The following TMTC4 variants were observed in gnomAD, a reference collection of about 807,000 sequenced individuals.
The protein encoded by TMTC4 is transmembrane O-mannosyltransferase targeting cadherins 4, also known as protein O-mannosyl-transferase TMTC4.
A neutral mutation model predicts 86.0 loss-of-function variants in TMTC4; 65 were observed. That is an observed-to-expected ratio of 0.76 (90% CI 0.62 to 0.93). The LOEUF (loss-of-function observed/expected upper bound fraction) is 0.93. TMTC4 is among the 40% of genes least tolerant of loss of function. The pLI is 0.00. For synonymous variants in TMTC4, 379 were observed against 382.5 expected (o/e 0.99, Z 0.11); for missense variants, 866 against 948.1 (o/e 0.91, Z 1.14).
chr13:100,653,321 T>C (rs1884679674), intron 6 of TMTC4, among the ~76,000 whole-genome samples: 1 of 152,212 alleles, frequency 6.6e-6, no homozygotes. Context: ...CAGACTTCAC[T>C]AGCCCCGGTT....
chr13:100,617,374 C>G (rs898809167), intron 15 of TMTC4, among the ~76,000 whole-genome samples: 2 of 152,130 alleles, frequency 1.3e-5, no homozygotes, highest in African/African-American at 4.8e-5. Context: ...TGGGCTCAAG[C>G]CATTTGCCTG....
At chr13:100,663,496 G>A (rs1013826931) in intron 4 of TMTC4, among the ~76,000 whole-genome samples, 6 of 152,318 alleles carry the variant, frequency 3.9e-5, no homozygotes, top group African/African-American at 1.4e-4. Flanking sequence ...GGGCAAGGCT[G>A]CAATCCAAGA....
At chr13:100,650,071 G>C (rs2138960254) in intron 6 of TMTC4, among the ~76,000 whole-genome samples, 1 of 150,918 alleles carries the variant, frequency 6.6e-6, no homozygotes, top group South Asian at 2.1e-4. Flanking sequence ...CAATGACCCA[G>C]GAGAGGATGG....
At chr13:100,647,412 C>T (rs1206356429) in intron 6 of TMTC4, among the ~76,000 whole-genome samples, 1 of 152,136 alleles carries the variant, frequency 6.6e-6, no homozygotes, top group Non-Finnish European at 1.5e-5. Context: ...GGACACCCTC[C>T]ACCCCACCCC....
In TMTC4 at chr13:100,604,113, A is replaced by C. The variant is rs1031725364; in HGVS notation, c.*881T>G. ...CCGAATGTGGCTCCATTTGATAGAA[A>C]ATTTTGCATTTTCTGGATAATGTCT... On this transcript the variant is annotated 3_prime_UTR_variant, in exon 19 of 19. Transcript: ENST00000342624. 21 of 152,644 alleles carry C rather than the reference A, an allele frequency of 1.4e-4. No homozygotes were observed. Among genetic ancestry groups the C allele is most frequent in the African/African-American group, 4.6e-4 (19 of 41,452 alleles). 9.5% of individuals were successfully genotyped at this position (152,644 alleles called of 1,614,324 possible). A position where few individuals can be genotyped will look rare whatever the true frequency, so the allele number is the denominator to read the frequency against.
At position 100,637,968 on chromosome 13, in the gene TMTC4, T is replaced by C; in HGVS notation, c.796A>G (p.Ile266Val). 1 of 1,614,020 alleles carries C rather than the reference T, an allele frequency of 6.2e-7. No homozygotes were observed. Among genetic ancestry groups the C allele is most frequent in the South Asian group, 1.1e-5 (1 of 91,056 alleles). The part of the protein sequence containing the change: ...LVIGKFNVLE[I>V]VQKVLHKDKS... ...TCCTTATGTAGTACCTTCTGGACAA[T>C]TTCCAGAACATTGAATTTGCCTATC... Residue 266 changes from isoleucine (I) to valine (V), a missense_variant, in exon 8 of 19, where the codon ATT becomes GTT. Physicochemically the swap from Ile to Val is conservative, Grantham distance 29. Transcript: ENST00000342624.
At chr13:100,640,584 G>A (rs775109261) in intron 7 of TMTC4, among the ~76,000 whole-genome samples, 2 of 151,986 alleles carry the variant, frequency 1.3e-5, no homozygotes, top group Non-Finnish European at 2.9e-5. Flanking sequence ...CAGGCGTGAC[G>A]GCTCATGCCT....
chr13:100,642,030 C>T (rs545292663), intron 7 of TMTC4, among the ~76,000 whole-genome samples, 181 bp downstream of exon 7: 1 of 152,364 alleles, frequency 6.6e-6, no homozygotes, highest in South Asian at 2.1e-4. Context: ...GTCAATTCTC[C>T]ATCTGCAATG....
At chr13:100,638,195 A>G in intron 7 of TMTC4, 173 bp from the exon 8 acceptor site, 1 of 546,026 alleles carries the variant, frequency 1.8e-6, no homozygotes, top group South Asian at 2.9e-5. Flanking sequence ...TTTCTATGAA[A>G]TTAGCTCAAG....
chr13:100,605,292 T>A lies in TMTC4; in HGVS notation c.2135-150A>T. The A allele has an allele frequency of 1.0e-6, 1 of 955,504 alleles. No homozygotes were observed. The highest frequency in any genetic ancestry group is 1.5e-6 in the Non-Finnish European group (1 of 659,280). 59.2% of individuals were successfully genotyped at this position (955,504 alleles called of 1,614,324 possible). A position where few individuals can be genotyped will look rare whatever the true frequency, so the allele number is the denominator to read the frequency against. On this transcript the variant is annotated intron_variant, in intron 18 of 18. Transcript: ENST00000342624. This position sits in a 1 kb window ranked among gnomAD's most constrained non-coding sequence, Gnocchi z 4.3. ...ACAATATTGTTTGTACTGAAAACTCTATTTATTGTAATCACACTCCCTGAT... is the reference window on the plus strand; with the variant it reads ...ACAATATTGTTTGTACTGAAAACTCAATTTATTGTAATCACACTCCCTGAT...
At chr13:100,673,046 G>GA (rs1328785477) in intron 1 of TMTC4, among the ~76,000 whole-genome samples, 2 of 152,178 alleles carry the variant, frequency 1.3e-5, no homozygotes, top group Non-Finnish European at 2.9e-5. Context: ...CTCGCTACCT[G>GA]ACTCCTGCGA....
chr13:100,663,077 C>T lies in TMTC4; in HGVS notation c.439G>A (p.Val147Ile). 1 of 1,614,214 alleles carries T rather than the reference C, an allele frequency of 6.2e-7. No homozygotes were observed. Among genetic ancestry groups the T allele is most frequent in the Non-Finnish European group, 8.5e-7 (1 of 1,180,036 alleles). ...ISVLMVDVFS[V>I]LFGGLQYTSK... ...GTGTACTGCAGGCCGCCAAACAGAACCGAGAAGACGTCCACCATGAGGACA... is the reference window on the plus strand; with the variant it reads ...GTGTACTGCAGGCCGCCAAACAGAATCGAGAAGACGTCCACCATGAGGACA... The change falls in exon 5 of 19, where the codon GTT becomes ATT. Residue 147 changes from valine (V) to isoleucine (I), a missense_variant. Physicochemically the swap from Val to Ile is conservative, Grantham distance 29 (BLOSUM62 3). Transcript: ENST00000342624.
chr13:100,648,647 C>G (rs1884047337), intron 6 of TMTC4, among the ~76,000 whole-genome samples: 1 of 152,180 alleles, frequency 6.6e-6, no homozygotes, highest in African/African-American at 2.4e-5. Flanking sequence ...AACTCTTTCT[C>G]CAATCCCTAC....
chr13:100,637,411 T>C lies in TMTC4; in HGVS notation c.999+127A>G, dbSNP rs1356991650. 3.2e-6 allele frequency: 4 copies of C among 1,250,088 alleles called. No individual in the cohort carries two copies. The East Asian group carries it at 7.1e-5, about 22-fold the overall frequency. The allele number at this position is 1,250,088 out of a possible 1,614,324, so 77.4% of individuals were successfully genotyped here. A position where few individuals can be genotyped will look rare whatever the true frequency, so the allele number is the denominator to read the frequency against. On this transcript the variant is annotated intron_variant, in intron 9 of 18. Coordinates refer to ENST00000342624, the MANE Select transcript of TMTC4 (RefSeq NM_032813.5). The stretch of plus-strand genomic sequence containing the variant: ...CATCTTTAGTGATCGCAAGCAAACA[T>C]GGAGGTGGCGCGTGTATTGGGGATT...
intron 1 of TMTC4, chr13:100,673,368 CTCCATGCA>C (rs1887381004): frequency 1.0e-6 from 1 of 985,244 alleles, no homozygotes; most frequent in Admixed American, 6.1e-5. Flanking sequence ...GAATATTCCC[CTCCATGCA>C]TCCAGGGGCC....
intron 15 of TMTC4, among the ~76,000 whole-genome samples, chr13:100,619,792 T>C (rs1057111189): frequency 3.3e-5 from 5 of 152,360 alleles, no homozygotes; most frequent in Admixed American, 3.3e-4. Context: ...CTTAATTATC[T>C]CTATTTGATG....
chr13:100,652,268 CAGG>C (rs1884558254), intron 6 of TMTC4, among the ~76,000 whole-genome samples: 1 of 152,176 alleles, frequency 6.6e-6, no homozygotes, highest in Non-Finnish European at 1.5e-5. Flanking sequence ...CACTTGAGGT[CAGG>C]AGTTCAAGAC....
At position 100,618,627 on chromosome 13, in the gene TMTC4, G is replaced by C. The variant is rs368077776; in HGVS notation, c.1837-4197C>G. On this transcript the variant is annotated intron_variant, in intron 15 of 18. Transcript: ENST00000342624. The stretch of plus-strand genomic sequence containing the variant: ...AGGTCTCTGGTTTTCCTAGGCAGAG[G>C]ACCCTGCGGCCTTCCGCAGTGTTTG... 7.9e-5 allele frequency among the ~76,000 whole-genome samples: 12 copies of C among 152,124 alleles called. No individual in the cohort carries two copies. In the East Asian group the frequency reaches 1.2e-3, roughly 15 times the overall value.
intron 6 of TMTC4, 34 bp from the exon 7 acceptor site, chr13:100,642,345 C>A (rs750327647): frequency 6.7e-5 from 108 of 1,608,676 alleles, no homozygotes; most frequent in Non-Finnish European, 8.8e-5. Context: ...GTGCAAAAGT[C>A]ATGGAATGCA....
Sources: allele counts gnomAD v4.1 joint callset (sites outside exome capture counted in the v4.1 genomes callset), GRCh38; gene constraint gnomAD v4.1.1; non-coding constraint Gnocchi (gnomAD v3.1); transcripts MANE v1.5; gene names NCBI Gene and HGNC (gene_info 2026-07-23, HGNC 2026-07-21).